The following USP43 variants were observed in gnomAD, a reference collection of about 807,000 sequenced individuals.
The protein encoded by USP43 is ubiquitin specific peptidase 43.
A neutral mutation model predicts 90.7 loss-of-function variants in USP43; 33 were observed. The ratio of observed to expected loss-of-function variants is 0.36; its 90% CI spans 0.28 to 0.49. USP43 has a LOEUF of 0.49. Ranked by LOEUF, USP43 falls within the 20% of genes least tolerant of loss-of-function variation. USP43 has a pLI of 0.98. For synonymous variants in USP43, 598 were observed against 615.8 expected (o/e 0.97, Z 0.43); for missense variants, 1,274 against 1,476.4 (o/e 0.86, Z 2.25).
At chr17:9,723,773 G>A (rs766307073) in intron 14 of USP43, among the ~76,000 whole-genome samples, 2 of 151,016 alleles carry the variant, frequency 1.3e-5, no homozygotes, top group Non-Finnish European at 3.0e-5. Context: ...TAGTAGAGAC[G>A]GGGTTTTGTA....
At chr17:9,702,075 G>T (rs946562386) in intron 12 of USP43, among the ~76,000 whole-genome samples, 2 of 152,158 alleles carry the variant, frequency 1.3e-5, no homozygotes, top group Non-Finnish European at 2.9e-5. Flanking sequence ...AATATGTAAA[G>T]TTAGGCCTGA....
At position 9,693,710 on chromosome 17, in the gene USP43, C is replaced by T. The variant is rs572060306; in HGVS notation, c.1457+480C>T. Among the ~76,000 whole-genome samples the T allele has an allele frequency of 1.1e-3, 165 of 152,114 alleles. 1 individual carries two copies. Among genetic ancestry groups the T allele is most frequent in the Admixed American group, 5.8e-3 (88 of 15,260 alleles). ...AAAATTAGCCGGTCGTGGTAGCACG[C>T]GCCTATAATCCTAGCTACTCAGGAG... is the stretch of plus-strand genomic sequence containing the variant. On this transcript the variant is annotated intron_variant, in intron 9 of 14. Coordinates refer to ENST00000285199, the MANE Select transcript of USP43 (RefSeq NM_153210.5).
intron 8 of USP43, among the ~76,000 whole-genome samples, chr17:9,691,662 C>T (rs916667708): frequency 3.3e-5 from 5 of 152,128 alleles, no homozygotes; most frequent in African/African-American, 4.8e-5. Context: ...CTGTTTTCTA[C>T]AGCAGCTGTA....
intron 1 of USP43, among the ~76,000 whole-genome samples, chr17:9,648,606 T>A (rs1024866925): frequency 3.9e-5 from 6 of 151,948 alleles, no homozygotes; most frequent in African/African-American, 1.5e-4. Flanking sequence ...CCTGGAGAGG[T>A]AACCAACCGC....
chr17:9,710,031 A>C lies in USP43; in HGVS notation c.2087A>C (p.Glu696Ala). ...DSTVEPLRED[E>A]VNTRGAYILF... ...ACGGTGGAACCGCTTCGAGAAGATG[A>C]GGTCAACACCAGAGGGGCTTATATC... Residue 696 changes from glutamate to alanine, a missense_variant, in exon 13 of 15, where the codon GAG becomes GCG. Around this residue, in one of 6 missense-constraint regions of USP43, gnomAD observed 285 missense variants for 349.6 expected, o/e 0.82. Coordinates refer to ENST00000285199, the MANE Select transcript of USP43 (RefSeq NM_153210.5). 1 of 1,574,278 alleles carries C rather than the reference A, an allele frequency of 6.4e-7. No homozygotes were observed. Among genetic ancestry groups the C allele is most frequent in the Non-Finnish European group, 8.6e-7 (1 of 1,160,040 alleles).
intron 14 of USP43, among the ~76,000 whole-genome samples, chr17:9,723,560 C>T (rs2152002606): frequency 9.7e-6 from 1 of 103,520 alleles, no homozygotes; most frequent in East Asian, 4.2e-4. Context: ...CCCCTCCCCT[C>T]CCCTCCCTCC....
chr17:9,715,711 CTGTGTGTGTA>C (rs1436807092), intron 14 of USP43, among the ~76,000 whole-genome samples: 1 of 105,494 alleles, frequency 9.5e-6, no homozygotes, highest in Non-Finnish European at 1.9e-5. Flanking sequence ...GTGTGTGTCT[CTGTGTGTGTA>C]TGTGTGTGTG....
chr17:9,652,279 A>G (rs55730459), intron 1 of USP43, among the ~76,000 whole-genome samples: 7,681 of 150,380 alleles, frequency 0.051, 642 homozygotes, highest in African/African-American at 0.18. Flanking sequence ...ACCAAATATT[A>G]CAGTTAATTC....
At chr17:9,662,911 G>A (rs1912745970) in intron 2 of USP43, among the ~76,000 whole-genome samples, 2 of 150,534 alleles carry the variant, frequency 1.3e-5, no homozygotes, top group Admixed American at 1.3e-4. Flanking sequence ...TCCGCCTCCT[G>A]GGCTCAAGCA....
chr17:9,664,292 A>G (rs2151967080), intron 2 of USP43, among the ~76,000 whole-genome samples: 1 of 152,218 alleles, frequency 6.6e-6, no homozygotes, highest in East Asian at 1.9e-4. Flanking sequence ...CTCATTACTC[A>G]TATCTTTTTT....
intron 1 of USP43, among the ~76,000 whole-genome samples, chr17:9,646,867 C>T (rs73255710): frequency 0.013 from 1,985 of 151,870 alleles, 41 homozygotes; most frequent in African/African-American, 0.044. Flanking sequence ...GCATTCAATC[C>T]CCTACAATGT....
At chr17:9,675,868 A>G (rs1262316544) in intron 4 of USP43, among the ~76,000 whole-genome samples, 1 of 152,232 alleles carries the variant, frequency 6.6e-6, no homozygotes, top group Non-Finnish European at 1.5e-5. Context: ...TGATGATCTA[A>G]GACTCCCAGC....
At position 9,674,966 on chromosome 17, in the gene USP43, C is replaced by A. The variant is rs769962696; in HGVS notation, c.816C>A (p.Ile272=). 4 of 1,614,036 alleles carry A rather than the reference C, an allele frequency of 2.5e-6. No individual in the cohort carries two copies. Among genetic ancestry groups the A allele is most frequent in the Non-Finnish European group, 2.5e-6 (3 of 1,179,888 alleles). The part of the protein sequence containing the change: ...FDPFLCVSLP[I]PLRQTRFLSV... Reference sequence around the variant, plus strand: ...CTTTCCTGTGTGTGTCCCTACCTATCCCCTTGCGCCAGACGAGGTACGTGA... The same window carrying A: ...CTTTCCTGTGTGTGTCCCTACCTATACCCTTGCGCCAGACGAGGTACGTGA... The change falls in exon 4 of 15, where the codon ATC becomes ATA. Residue 272 remains isoleucine, a synonymous_variant. Coordinates refer to ENST00000285199, the MANE Select transcript of USP43 (RefSeq NM_153210.5). This position sits in a 1 kb window ranked among gnomAD's most constrained non-coding sequence, Gnocchi z 4.4.
chr17:9,645,500 C>T (rs2151957240), upstream of USP43: 1 of 915,206 alleles, frequency 1.1e-6, no homozygotes, highest in Non-Finnish European at 1.4e-6. The surrounding 1 kb of genome is among the most constrained non-coding windows in gnomAD (Gnocchi z 6.8). Flanking sequence ...TTGGCTCCGC[C>T]TCCGCCCCGT....
At chr17:9,714,511 C>G (rs1227063857) in intron 14 of USP43, among the ~76,000 whole-genome samples, 1 of 136,340 alleles carries the variant, frequency 7.3e-6, no homozygotes, top group African/African-American at 3.3e-5. Flanking sequence ...GAAACCCCGT[C>G]TCTACTAAAA....
At chr17:9,690,876 C>T (rs1030729930) in intron 8 of USP43, among the ~76,000 whole-genome samples, 2 of 152,138 alleles carry the variant, frequency 1.3e-5, no homozygotes, top group African/African-American at 4.8e-5. Context: ...CAGAGCAAGA[C>T]TGTCTCAAAC....
chr17:9,722,363 G>C (rs1210525776), intron 14 of USP43, among the ~76,000 whole-genome samples: 1 of 152,078 alleles, frequency 6.6e-6, no homozygotes, highest in Non-Finnish European at 1.5e-5. Context: ...AAACAGCCTG[G>C]TGTTGGGTTT....
intron 2 of USP43, among the ~76,000 whole-genome samples, chr17:9,665,576 C>G (rs1284488218): frequency 6.6e-6 from 1 of 152,154 alleles, no homozygotes; most frequent in Non-Finnish European, 1.5e-5. Flanking sequence ...AGGTCTCTCT[C>G]TAGACATGTG....
chr17:9,681,349 TAAAA>T (rs1181922714), intron 6 of USP43, among the ~76,000 whole-genome samples: 1 of 112,558 alleles, frequency 8.9e-6, no homozygotes, highest in African/African-American at 3.4e-5. Context: ...TATATATAAA[TAAAA>T]TAAATAAAAT....
Sources: allele counts gnomAD v4.1 joint callset (sites outside exome capture counted in the v4.1 genomes callset), GRCh38; gene constraint gnomAD v4.1.1; regional missense constraint gnomAD v4.1.1; non-coding constraint Gnocchi (gnomAD v3.1); transcripts MANE v1.5; gene names NCBI Gene and HGNC (gene_info 2026-07-23, HGNC 2026-07-21).